Variants in PLOD1 observed in about 807,000 individuals in gnomAD.
PLOD1 encodes procollagen-lysine,2-oxoglutarate 5-dioxygenase 1.
Under a neutral mutation model 94.7 loss-of-function variants are expected in PLOD1, and 70 were observed. The ratio of observed to expected loss-of-function variants is 0.74; its 90% CI spans 0.61 to 0.90. PLOD1 has a LOEUF of 0.90. PLOD1 is among the 40% of genes least tolerant of loss of function. The pLI, the probability that PLOD1 is intolerant of heterozygous loss-of-function variation, is 0.00. For synonymous variants in PLOD1, 417 were observed against 400.2 expected, an observed-to-expected ratio of 1.04 and a Z score of -0.50; for missense variants, 905 against 972.7, an observed-to-expected ratio of 0.93 and a Z score of 0.93.
At chr1:11,938,027 A>G (rs1329331262) in intron 1 of PLOD1, among the ~76,000 whole-genome samples, 1 of 146,316 alleles carries the variant, frequency 6.8e-6, no homozygotes, top group Non-Finnish European at 1.5e-5. Context: ...ATCTCAGCGC[A>G]CTGCAGCCTC....
At chr1:11,966,861 T>A (rs533728673) in intron 15 of PLOD1, 126 bp from the exon 16 acceptor site, 3 of 744,838 alleles carry the variant, frequency 4.0e-6, no homozygotes, top group Non-Finnish European at 7.4e-6. Context: ...CTCTCCAGGA[T>A]TGACAAGGCC....
Position 11,954,845 on chromosome 1 carries a change from A to G in PLOD1, c.595A>G (p.Thr199Ala). ...TTTCCTGCAGGAGCAGATCAATATC[A>G]CCCTGGACCACCGCTGCCGTATCTT... ...DPEKREQINI[T>A]LDHRCRIFQN... The change falls in exon 6 of 19, where the codon ACC becomes GCC. Residue 199 changes from threonine to alanine, a missense_variant. By Grantham distance (58) the Thr-to-Ala change is moderately conservative (BLOSUM62 0). Coordinates refer to ENST00000196061, the MANE Select transcript of PLOD1 (RefSeq NM_000302.4). 1.2e-6 allele frequency: 2 copies of G among 1,613,382 alleles called. No individual in the cohort carries two copies. The highest frequency in any genetic ancestry group is 1.7e-6 in the Non-Finnish European group (2 of 1,179,602).
At position 11,950,348 on chromosome 1, in the gene PLOD1, T is replaced by C; in HGVS notation, c.303-9T>C. ...GCCCTGCTCCGTCTTCTCGCTGCTC[T>C]GGCCACAGCTATGACGTGCTGTTTG... On this transcript the variant is annotated splice_polypyrimidine_tract_variant and intron_variant, in intron 3 of 18. Transcript: ENST00000196061. The C allele has an allele frequency of 1.2e-6, 2 of 1,613,998 alleles. No individual in the cohort carries two copies. Among genetic ancestry groups the C allele is most frequent in the Non-Finnish European group, 1.7e-6 (2 of 1,179,940 alleles).
chr1:11,941,467 GATTATTATT>G (rs145464263), intron 1 of PLOD1, among the ~76,000 whole-genome samples: 2 of 141,828 alleles, frequency 1.4e-5, no homozygotes, highest in Admixed American at 6.9e-5. Context: ...AAGTAGCTGG[GATTATTATT>G]ATTATTATTA....
At chr1:11,973,831 A>G (rs1645883732) in intron 18 of PLOD1, among the ~76,000 whole-genome samples, 2 of 151,680 alleles carry the variant, frequency 1.3e-5, no homozygotes, top group East Asian at 2.0e-4. Context: ...CAACAAACAT[A>G]TCAGGCATCC....
chr1:11,941,354 CAG>C (rs1360659378), intron 1 of PLOD1, among the ~76,000 whole-genome samples: 3 of 151,344 alleles, frequency 2.0e-5, no homozygotes, highest in Non-Finnish European at 2.9e-5. Context: ...TTTTTTGAGA[CAG>C]AGTTTCACTC....
chr1:11,964,621 C>T, intron 12 of PLOD1, 23 bp from the exon 13 acceptor site: 2 of 1,612,824 alleles, frequency 1.2e-6, no homozygotes, highest in South Asian at 1.1e-5. Context: ...CTGACCCCCA[C>T]CCGCTTTCTG....
Position 11,934,754 on chromosome 1 carries a change from G to A in PLOD1, c.-26G>A, listed in dbSNP as rs567346111. Reference sequence around the variant, plus strand: ...CCAGCCCTGCGAGCGCCGCCGGGTCGGCCGATCGTCCCCCATACCTCGGCC... The same window carrying A: ...CCAGCCCTGCGAGCGCCGCCGGGTCAGCCGATCGTCCCCCATACCTCGGCC... On this transcript the variant is annotated 5_prime_UTR_variant, in exon 1 of 19. Transcript: ENST00000196061. The A allele has an allele frequency of 1.1e-4, 163 of 1,522,904 alleles. 2 individuals carry two copies. In the African/African-American group the frequency reaches 2.1e-3, roughly 19 times the overall value. The allele number at this position is 1,522,904 out of a possible 1,614,324, so 94.3% of individuals were successfully genotyped here. A position where few individuals can be genotyped will look rare whatever the true frequency, so the allele number is the denominator to read the frequency against.
At chr1:11,948,988 G>A (rs755410428) in intron 2 of PLOD1, among the ~76,000 whole-genome samples, 2 of 152,208 alleles carry the variant, frequency 1.3e-5, no homozygotes, top group Non-Finnish European at 2.9e-5. Context: ...CAGCTCACAT[G>A]AATGAGGGTT....
chr1:11,959,004 A>G (rs1021400957), intron 9 of PLOD1, among the ~76,000 whole-genome samples: 4 of 152,132 alleles, frequency 2.6e-5, no homozygotes, highest in Non-Finnish European at 5.9e-5. Flanking sequence ...CGGGAGTTCG[A>G]GACTAGCCTG....
intron 1 of PLOD1, among the ~76,000 whole-genome samples, chr1:11,940,471 C>T (rs778383238): frequency 2.0e-5 from 3 of 152,170 alleles, no homozygotes; most frequent in Non-Finnish European, 2.9e-5. Flanking sequence ...AAGCGCTTTA[C>T]GGCATTGGCT....
intron 16 of PLOD1, among the ~76,000 whole-genome samples, chr1:11,967,658 A>ATT (rs1553136726): frequency 0.011 from 1,189 of 108,822 alleles, 87 homozygotes; most frequent in Middle Eastern, 0.032. Flanking sequence ...ATATATATAT[A>ATT]TTTTTTTTAA....
At chr1:11,969,072 G>A (rs1238056851) in intron 16 of PLOD1, among the ~76,000 whole-genome samples, 2 of 148,500 alleles carry the variant, frequency 1.3e-5, no homozygotes, top group African/African-American at 5.0e-5. Context: ...CACCCAGGTG[G>A]AGTGCAATGG....
Position 11,954,857 on chromosome 1 carries a change from C to T in PLOD1, c.607C>T (p.Arg203Cys), listed in dbSNP as rs534314930. 22 of 1,613,920 alleles carry T rather than the reference C, an allele frequency of 1.4e-5. No individual in the cohort carries two copies. The highest frequency in any genetic ancestry group is 6.7e-5 in the Admixed American group (4 of 60,020). The part of the protein sequence containing the change: ...REQINITLDH[R>C]CRIFQNLDGA... ...GCAGATCAATATCACCCTGGACCAC[C>T]GCTGCCGTATCTTCCAGAACCTGGA... is the stretch of plus-strand genomic sequence containing the variant. The change falls in exon 6 of 19, where the codon CGC becomes TGC. Residue 203 changes from arginine (R) to cysteine (C), a missense_variant. Coordinates refer to ENST00000196061, the MANE Select transcript of PLOD1 (RefSeq NM_000302.4).
Position 11,972,876 on chromosome 1 carries a change from A to G in PLOD1, c.1907A>G (p.Gln636Arg). 1.2e-6 allele frequency: 2 copies of G among 1,613,958 alleles called. No homozygotes were observed. The highest frequency in any genetic ancestry group is 1.1e-5 in the South Asian group (1 of 91,078). Reference sequence around the variant, plus strand: ...TGTCCCCCTGCCTTGGTACAGGCCCAGTTTGACCTGGCCTTTGTCGTCCGC... The same window carrying G: ...TGTCCCCCTGCCTTGGTACAGGCCCGGTTTGACCTGGCCTTTGTCGTCCGC... ...KLYPGYYTRAQFDLAFVVRYK... is the reference protein window; with the variant it reads ...KLYPGYYTRARFDLAFVVRYK... The change falls in exon 18 of 19, where the codon CAG becomes CGG. Residue 636 changes from glutamine (Q) to arginine (R), a missense_variant. Physicochemically the swap from Gln to Arg is conservative, Grantham distance 43. Coordinates refer to ENST00000196061, the MANE Select transcript of PLOD1 (RefSeq NM_000302.4). This position sits in a 1 kb window ranked among gnomAD's most constrained non-coding sequence, Gnocchi z 4.6.
Position 11,964,320 on chromosome 1 carries a change from G to T in PLOD1, c.1328+20G>T. 4 of 1,581,568 alleles carry T rather than the reference G, an allele frequency of 2.5e-6. No homozygotes were observed. In the South Asian group the frequency reaches 4.4e-5, roughly 18 times the overall value. ...GCGTGTGTGAGTACCTGCAGGGTGGGGGTGGGTGGGGGACACCTTCATCTG... is the reference window on the plus strand; with the variant it reads ...GCGTGTGTGAGTACCTGCAGGGTGGTGGTGGGTGGGGGACACCTTCATCTG... On this transcript the variant is annotated intron_variant, in intron 12 of 18. Transcript: ENST00000196061.
intron 16 of PLOD1, among the ~76,000 whole-genome samples, chr1:11,969,375 C>T (rs1645845189): frequency 6.6e-6 from 1 of 152,158 alleles, no homozygotes; most frequent in South Asian, 2.1e-4. Context: ...GACCTGTGTG[C>T]CAACCTCTGA....
intron 6 of PLOD1, among the ~76,000 whole-genome samples, chr1:11,955,401 ACCT>A (rs1314206551): frequency 6.6e-6 from 1 of 151,940 alleles, no homozygotes; most frequent in Non-Finnish European, 1.5e-5. Flanking sequence ...GGCAAGTCAC[ACCT>A]CCTCCCCACA....
intron 16 of PLOD1, among the ~76,000 whole-genome samples, chr1:11,970,459 C>T (rs1012606203): frequency 1.3e-5 from 2 of 152,112 alleles, no homozygotes; most frequent in Non-Finnish European, 2.9e-5. Context: ...CTGCAGATGA[C>T]TCACCTAGTA....
Sources: gnomAD v4.1 joint callset for allele counts (sites outside exome capture counted in the v4.1 genomes callset) on GRCh38, gnomAD v4.1.1 for gene constraint, Gnocchi (gnomAD v3.1) non-coding constraint, MANE v1.5 for transcripts, NCBI Gene and HGNC (gene_info 2026-07-23, HGNC 2026-07-21) for gene names.